Variants in TAFA2 observed in about 807,000 individuals in gnomAD.
TAFA2 encodes the protein chemokine-like protein TAFA-2.
TAFA2 carries 7 observed loss-of-function variants against 18.8 expected under a neutral mutation model. The observed-to-expected ratio is 0.37, with a 90% CI of 0.21 to 0.70. The LOEUF is 0.70. TAFA2 is among the 30% of genes least tolerant of loss of function. The pLI is 0.53. For synonymous variants in TAFA2, 60 were observed against 54.2 expected, an observed-to-expected ratio of 1.11 and a Z score of -0.47; for missense variants, 122 against 158.1, an observed-to-expected ratio of 0.77 and a Z score of 1.23.
chr12:61,759,336 C>T (rs1307947468), intron 2 of TAFA2, among the ~76,000 whole-genome samples: 3 of 151,926 alleles, frequency 2.0e-5, no homozygotes, highest in Non-Finnish European at 4.4e-5. Flanking sequence ...CGTGCTTTGT[C>T]TAGTGAAATG....
chr12:61,882,261 G>GA (rs1416546257), intron 1 of TAFA2, among the ~76,000 whole-genome samples: 1 of 152,164 alleles, frequency 6.6e-6, no homozygotes, highest in East Asian at 1.9e-4. Flanking sequence ...ATGAAAGAAA[G>GA]AAAAGGACCT....
intron 2 of TAFA2, among the ~76,000 whole-genome samples, chr12:61,824,474 G>C (rs1331038326): frequency 6.6e-6 from 1 of 152,072 alleles, no homozygotes; most frequent in African/African-American, 2.4e-5. Flanking sequence ...GTATGTATTA[G>C]TGCCATACAC....
chr12:62,133,925 A>G (rs956853830), intron 1 of TAFA2, among the ~76,000 whole-genome samples: 8 of 152,026 alleles, frequency 5.3e-5, no homozygotes, highest in Non-Finnish European at 7.4e-5. Context: ...ATAAAACTGG[A>G]GGCAGAGTTC....
At chr12:62,021,659 G>T in intron 1 of TAFA2, 2 of 1,300,570 alleles carry the variant, frequency 1.5e-6, no homozygotes, top group Non-Finnish European at 2.2e-6. Context: ...TCTCATCTTT[G>T]GGTTCCACGA....
intron 1 of TAFA2, among the ~76,000 whole-genome samples, chr12:62,165,919 C>CCTCTCT (rs753736824): frequency 1.9e-4 from 27 of 138,918 alleles, no homozygotes; most frequent in African/African-American, 7.0e-4. Context: ...TCTCTCTCTT[C>CCTCTCT]CTCTCTCTCT....
At chr12:62,107,079 T>G (rs1242624920) in intron 1 of TAFA2, among the ~76,000 whole-genome samples, 1 of 152,172 alleles carries the variant, frequency 6.6e-6, no homozygotes. Flanking sequence ...AAGATTCACT[T>G]CTATCTACCT....
intron 1 of TAFA2, among the ~76,000 whole-genome samples, chr12:61,997,653 C>T (rs772657395): frequency 6.6e-6 from 1 of 151,892 alleles, no homozygotes; most frequent in Admixed American, 6.6e-5. Flanking sequence ...AAGAGAGGAA[C>T]CAAGGAGATC....
chr12:62,067,940 T>C (rs1317010966), intron 1 of TAFA2, among the ~76,000 whole-genome samples: 1 of 152,018 alleles, frequency 6.6e-6, no homozygotes, highest in African/African-American at 2.4e-5. Context: ...ATTACTTTCC[T>C]TTTCTTTCCT....
chr12:62,186,523 G>A (rs935786893), intron 1 of TAFA2, among the ~76,000 whole-genome samples: 6 of 152,054 alleles, frequency 3.9e-5, no homozygotes, highest in African/African-American at 9.7e-5. Context: ...GAATCTCTCT[G>A]TAGAGTTTCC....
chr12:61,867,732 T>A (rs1874422152), intron 1 of TAFA2, among the ~76,000 whole-genome samples: 1 of 152,154 alleles, frequency 6.6e-6, no homozygotes, highest in Admixed American at 6.5e-5. Flanking sequence ...ATAGATTTAG[T>A]TTATTAACAA....
chr12:61,954,065 A>C (rs1878565137), intron 1 of TAFA2, among the ~76,000 whole-genome samples: 1 of 152,152 alleles, frequency 6.6e-6, no homozygotes, highest in South Asian at 2.1e-4. Context: ...TAGTGTAGCC[A>C]TCACCCAAAT....
intron 1 of TAFA2, among the ~76,000 whole-genome samples, chr12:62,174,160 C>T (rs529712699): frequency 1.3e-5 from 2 of 152,136 alleles, no homozygotes; most frequent in South Asian, 4.2e-4. Context: ...GGTGTGGTGG[C>T]GCACGCCTGT....
At chr12:61,796,522 C>A (rs1008211816) in intron 2 of TAFA2, among the ~76,000 whole-genome samples, 1 of 151,818 alleles carries the variant, frequency 6.6e-6, no homozygotes, top group African/African-American at 2.4e-5. Flanking sequence ...AATGGTTGCC[C>A]GTGAATTGGG....
chr12:61,737,600 CTT>C (rs1868325911), intron 4 of TAFA2, among the ~76,000 whole-genome samples: 1 of 151,144 alleles, frequency 6.6e-6, no homozygotes, highest in African/African-American at 2.4e-5. Context: ...AAAAAAAAAA[CTT>C]AGTTTCCTTA....
intron 1 of TAFA2, among the ~76,000 whole-genome samples, chr12:62,116,169 T>C (rs1220787973): frequency 6.6e-6 from 1 of 152,188 alleles, no homozygotes; most frequent in Admixed American, 6.5e-5. Flanking sequence ...AATTCCACTT[T>C]GAAGGGACCT....
intron 1 of TAFA2, among the ~76,000 whole-genome samples, chr12:62,103,644 G>A (rs1280202983): frequency 6.6e-6 from 1 of 152,154 alleles, no homozygotes; most frequent in African/African-American, 2.4e-5. Context: ...GGGAGCCTGA[G>A]GCAGGAGAAC....
chr12:61,761,343 A>C lies in TAFA2; in HGVS notation c.107-6319T>G, dbSNP rs180814034. 2.6e-5 allele frequency among the ~76,000 whole-genome samples: 4 copies of C among 152,186 alleles called. No homozygotes were observed. In the East Asian group the frequency reaches 7.8e-4, roughly 30 times the overall value. On this transcript the variant is annotated intron_variant, in intron 2 of 4. Transcript: ENST00000416284. ...TATACATAATAATATTCATTGCATT[A>C]TATATACATAATATGGTCACATCTG...
intron 1 of TAFA2, among the ~76,000 whole-genome samples, chr12:62,184,809 C>T (rs2062575491): frequency 6.6e-6 from 1 of 152,014 alleles, no homozygotes; most frequent in Admixed American, 6.6e-5. Context: ...TGAAAAAACA[C>T]TTTATTTTAA....
chr12:62,060,205 G>T (rs1170449348), intron 1 of TAFA2, among the ~76,000 whole-genome samples: 1 of 152,154 alleles, frequency 6.6e-6, no homozygotes, highest in Non-Finnish European at 1.5e-5. Flanking sequence ...CAGCAGCCAA[G>T]AAATACAAGC....
Sources: gnomAD v4.1 joint callset for allele counts (sites outside exome capture counted in the v4.1 genomes callset) on GRCh38, gnomAD v4.1.1 for gene constraint, MANE v1.5 for transcripts, NCBI Gene and HGNC (gene_info 2026-07-23, HGNC 2026-07-21) for gene names.